Variants in BRCA1 observed in about 807,000 individuals in gnomAD.
BRCA1 encodes breast cancer type 1 susceptibility protein.
Under a neutral mutation model 173.7 loss-of-function variants are expected in BRCA1, and 140 were observed. That is an observed-to-expected ratio of 0.81 (90% confidence interval 0.70 to 0.93). The LOEUF is 0.93. Among genes scored for constraint, BRCA1 ranks in the 40% least tolerant of loss-of-function variants. The probability of loss-of-function intolerance (pLI) is 0.00; values close to 1 mark genes in which losing one functional copy is unlikely to be tolerated. For missense variants in BRCA1, 1,983 were observed against 2,172.5 expected (o/e 0.91, Z 1.73); for synonymous variants, 662 against 756.0 (o/e 0.88, Z 2.04).
At chr17:43,070,802 A>C in intron 15 of BRCA1, 126 bp downstream of exon 15, 2 of 1,133,518 alleles carry the variant, frequency 1.8e-6, no homozygotes, top group Non-Finnish European at 2.6e-6. Context: ...AAATTAAATT[A>C]CACAGAACTG....
intron 12 of BRCA1, chr17:43,079,654 C>G: frequency 2.3e-6 from 2 of 877,426 alleles, no homozygotes; most frequent in Non-Finnish European, 3.9e-6. Flanking sequence ...AGAAAGAAGC[C>G]AAAGAGAAAG....
chr17:43,139,978 C>T (rs763746028), intron 1 of BRCA1: 5 of 490,282 alleles, frequency 1.0e-5, no homozygotes, highest in Non-Finnish European at 8.4e-6. Context: ...ATGATAGGAG[C>T]GTCCTTTGTT....
intron 20 of BRCA1, among the ~76,000 whole-genome samples, chr17:43,050,709 A>C (rs970532529): frequency 1.3e-5 from 2 of 151,630 alleles, no homozygotes; most frequent in African/African-American, 4.8e-5. Context: ...TATGTAAGTA[A>C]ATTAAGATGG....
At chr17:43,131,021 CT>C in intron 1 of BRCA1, among the ~76,000 whole-genome samples, 1 of 152,266 alleles carries the variant, frequency 6.6e-6, no homozygotes, top group East Asian at 1.9e-4. Context: ...AGCAGTTTTG[CT>C]GATACTCTGG....
intron 1 of BRCA1, among the ~76,000 whole-genome samples, chr17:43,158,377 T>C (rs532325305): frequency 1.3e-5 from 2 of 152,360 alleles, no homozygotes; most frequent in African/African-American, 4.8e-5. Flanking sequence ...TGTTTTCCTC[T>C]TGTTTTTGTT....
chr17:43,162,730 C>T (rs1250781118), intron 1 of BRCA1: 1 of 152,170 alleles, frequency 6.6e-6, no homozygotes, highest in African/African-American at 2.4e-5. Context: ...ATGAGTTCCG[C>T]AATGAGTTTT....
At chr17:43,049,031 A>C (rs2051063585) in intron 21 of BRCA1, 90 bp downstream of exon 21, 5 of 1,246,874 alleles carry the variant, frequency 4.0e-6, no homozygotes, top group Non-Finnish European at 5.8e-6. Flanking sequence ...AGGCTACAGT[A>C]GGGGCATCCA....
intron 16 of BRCA1, chr17:43,067,208 A>T (rs999042896): frequency 5.0e-6 from 1 of 199,696 alleles, no homozygotes; most frequent in Non-Finnish European, 1.0e-5. Flanking sequence ...TGACTATTAG[A>T]AGACTATCAT....
intron 22 of BRCA1, among the ~76,000 whole-genome samples, chr17:43,046,647 C>T (rs1273671405): frequency 6.6e-6 from 1 of 151,560 alleles, no homozygotes; most frequent in Admixed American, 6.6e-5. Context: ...GGTGATCCGC[C>T]CTGAGGCTGA....
chr17:43,106,069 A>G (rs1271478020), intron 4 of BRCA1, among the ~76,000 whole-genome samples: 1 of 151,196 alleles, frequency 6.6e-6, no homozygotes, highest in Non-Finnish European at 1.5e-5. Context: ...CAGTGAGCCG[A>G]GATCACGCCA....
At chr17:43,073,763 T>C (rs1029730003) in intron 14 of BRCA1, among the ~76,000 whole-genome samples, 1 of 150,100 alleles carries the variant, frequency 6.7e-6, no homozygotes, top group Non-Finnish European at 1.5e-5. Context: ...TATATATATA[T>C]ATATTTTTTG....
chr17:43,080,074 G>A (rs1181106870), intron 12 of BRCA1, among the ~76,000 whole-genome samples: 1 of 152,112 alleles, frequency 6.6e-6, no homozygotes, highest in Non-Finnish European at 1.5e-5. Context: ...AAGTCTAAAT[G>A]CAGAGATCCA....
Position 43,156,354 on chromosome 17 carries a change from A to G in BRCA1, c.-20+13772T>C, listed in dbSNP as rs1475940832. Among the ~76,000 whole-genome samples the G allele has an allele frequency of 4.6e-5, 7 of 152,350 alleles. No individual in the cohort carries two copies. The East Asian group carries it at 1.3e-3, about 29-fold the overall frequency. Reference sequence around the variant, plus strand: ...GTTTCTGACGTAGCACAGGGCAGTGAAAAGAGAAACACTGAACTAAGTCAG... The same window carrying G: ...GTTTCTGACGTAGCACAGGGCAGTGGAAAGAGAAACACTGAACTAAGTCAG... On this transcript the variant is annotated intron_variant, in intron 1 of 7. Coordinates refer to the BRCA1 transcript ENST00000634433.
intron 9 of BRCA1, among the ~76,000 whole-genome samples, chr17:43,095,391 C>T (rs1471631953): frequency 4.0e-5 from 6 of 151,896 alleles, no homozygotes; most frequent in Admixed American, 3.3e-4. Context: ...AGACCAGCCT[C>T]GGTAACATGG....
chr17:43,094,976 C>A, intron 9 of BRCA1, 116 bp from the exon 10 acceptor site: 2 of 863,334 alleles, frequency 2.3e-6, no homozygotes, highest in Non-Finnish European at 3.6e-6. Context: ...GAGAAACTAA[C>A]CTCATAAACT....
chr17:43,067,871 C>T (rs1597826705), intron 15 of BRCA1, among the ~76,000 whole-genome samples, 176 bp from the exon 16 acceptor site: 2 of 68,374 alleles, frequency 2.9e-5, no homozygotes, highest in Admixed American at 2.1e-4. Context: ...GAGTCTTGCT[C>T]TGTCACCCAG....
Position 43,076,475 on chromosome 17 carries a change from T to A in BRCA1, c.4484+13A>T. 6.2e-7 allele frequency: 1 copy of A among 1,613,276 alleles called. No homozygotes were observed. The highest frequency in any genetic ancestry group is 8.5e-7 in the Non-Finnish European group (1 of 1,179,574). On this transcript the variant is annotated intron_variant, in intron 13 of 22. Transcript: ENST00000357654. ...GTCAGATACCACAGCATCTTTACATTGATGTTTCTTACCTTTCCACTCCTG... is the reference window on the plus strand; with the variant it reads ...GTCAGATACCACAGCATCTTTACATAGATGTTTCTTACCTTTCCACTCCTG...
At chr17:43,117,026 G>A (rs1008548348) in intron 2 of BRCA1, among the ~76,000 whole-genome samples, 6 of 152,182 alleles carry the variant, frequency 3.9e-5, no homozygotes, top group Non-Finnish European at 7.3e-5. Context: ...TTTCTGGCAA[G>A]AACACTTTAC....
At chr17:43,127,629 T>C (rs1480287380), upstream of BRCA1, among the ~76,000 whole-genome samples, 1 of 152,118 alleles carries the variant, frequency 6.6e-6, no homozygotes. Context: ...AGCTCAGGGA[T>C]TGTAAATGCA....
Sources: allele counts gnomAD v4.1 joint callset (sites outside exome capture counted in the v4.1 genomes callset), GRCh38; gene constraint gnomAD v4.1.1; transcripts MANE v1.5; gene names NCBI Gene and HGNC (gene_info 2026-07-23, HGNC 2026-07-21).